The following ZNF439 variants were observed in gnomAD, a reference collection of about 807,000 sequenced individuals.
ZNF439 encodes the protein zinc finger protein 439.
ZNF439 carries 40 observed loss-of-function variants against 47.3 expected under a neutral mutation model. That is an observed-to-expected ratio of 0.85 (90% CI 0.66 to 1.10). The LOEUF (loss-of-function observed/expected upper bound fraction) is 1.10, where lower values mean the gene tolerates loss of function less well. Ranked by LOEUF, ZNF439 falls within the 50% of genes least tolerant of loss-of-function variation. ZNF439 has a pLI of 0.00. For synonymous variants in ZNF439, 171 were observed against 198.8 expected (o/e 0.86, Z 1.18); for missense variants, 556 against 601.1 (o/e 0.93, Z 0.78).
In ZNF439 at chr19:11,868,027, C is replaced by T. The variant is rs148914414; in HGVS notation, c.973C>T (p.His325Tyr). The T allele has an allele frequency of 1.4e-4, 218 of 1,613,996 alleles. No homozygotes were observed. Among genetic ancestry groups the T allele is most frequent in the Non-Finnish European group, 1.8e-4 (208 of 1,180,026 alleles). The change falls in exon 4 of 4, where the codon CAC (histidine) becomes TAC (tyrosine). Residue 325 changes from histidine to tyrosine, a missense_variant. Physicochemically the swap from His to Tyr is moderately conservative, Grantham distance 83. Coordinates refer to ENST00000682736, the MANE Select transcript of ZNF439 (RefSeq NM_001348719.2). ...PRYVRRHERT[H>Y]SRKKLYECKQ... Reference sequence around the variant, plus strand: ...TTATGTTCGTAGACATGAAAGGACCCACTCTAGGAAAAAACTTTATGAATG... The same window carrying T: ...TTATGTTCGTAGACATGAAAGGACCTACTCTAGGAAAAAACTTTATGAATG...
At chr19:11,862,017 T>C (rs1976553860) in intron 1 of ZNF439, among the ~76,000 whole-genome samples, 1 of 152,236 alleles carries the variant, frequency 6.6e-6, no homozygotes, top group East Asian at 1.9e-4. Flanking sequence ...TTCTTTCATG[T>C]AAAAATATGC....
Position 11,868,006 on chromosome 19 carries a change from GT to G in ZNF439, c.954del (p.Arg319ValfsTer32). ...AAAAGCATTCATGTGTCCCCGTTAT[GT>G]TCGTAGACATGAAAGGACCCACTCT... ...CGKAFMCPRY[V>X]RRHERTHSRK... On this transcript the variant is annotated frameshift_variant, in exon 4 of 4. Coordinates refer to ENST00000682736, the MANE Select transcript of ZNF439 (RefSeq NM_001348719.2). LOFTEE classifies it high-confidence loss of function. 6.2e-7 allele frequency: 1 copy of G among 1,614,092 alleles called. No individual in the cohort carries two copies. The highest frequency in any genetic ancestry group is 8.5e-7 in the Non-Finnish European group (1 of 1,179,990).
At position 11,848,785 on chromosome 19, in the gene ZNF439, G is replaced by A. The variant is rs1976143304; in HGVS notation, c.-83G>A. On this transcript the variant is annotated 5_prime_UTR_variant, in exon 1 of 4. Coordinates refer to ENST00000682736, the MANE Select transcript of ZNF439 (RefSeq NM_001348719.2). ...TGCCGTCACCTTTGTCGCTGCGAGG[G>A]CGGCGGTTGGGATCTGGCCTTTCCA... is the stretch of plus-strand genomic sequence containing the variant. 9 of 1,364,314 alleles carry A rather than the reference G, an allele frequency of 6.6e-6. No individual in the cohort carries two copies. In the South Asian group the frequency reaches 1.1e-4, roughly 17 times the overall value. The allele number at this position is 1,364,314 out of a possible 1,614,324, so 84.5% of individuals were successfully genotyped here.
rs368271214 is a variant in ZNF439, at chr19:11,852,756, C to T, written c.63+3826C>T. The stretch of plus-strand genomic sequence containing the variant: ...AACTCCTGTCCTCAAGTGGTCCACC[C>T]ACCTTGGCCTCCCAAAGTGGCGGGA... On this transcript the variant is annotated intron_variant, in intron 1 of 3. Transcript: ENST00000682736. Among the ~76,000 whole-genome samples the T allele has an allele frequency of 2.6e-3, 394 of 152,170 alleles. 4 individuals are homozygous for T. The highest frequency in any genetic ancestry group is 9.0e-3 in the African/African-American group (375 of 41,518).
At chr19:11,866,411 A>C (rs1452683146) in intron 2 of ZNF439, 80 bp downstream of exon 2, 1 of 1,606,852 alleles carries the variant, frequency 6.2e-7, no homozygotes, top group Non-Finnish European at 8.5e-7. Context: ...AGTGATTTGG[A>C]ACACAGACAG....
Position 11,863,152 on chromosome 19 carries a change from C to CTTTTTTT in ZNF439, c.64-3038_64-3032dup, listed in dbSNP as rs34655587. Among the ~76,000 whole-genome samples the CTTTTTTT allele has an allele frequency of 1.8e-4, 16 of 90,056 alleles. 1 individual carries two copies. Among genetic ancestry groups the CTTTTTTT allele is most frequent in the South Asian group, 3.5e-4 (1 of 2,824 alleles). The allele number at this position is 90,056 out of a possible 152,430, so 59.1% of individuals were successfully genotyped here. On this transcript the variant is annotated intron_variant, in intron 1 of 3. Coordinates refer to ENST00000682736, the MANE Select transcript of ZNF439 (RefSeq NM_001348719.2). ...GAGAGGTATGCTTGGAAAGATTTTG[C>CTTTTTTT]TTTTTTTTTTTTTTTTTTTTTGAGT...
chr19:11,858,812 AC>A (rs1976463643), intron 1 of ZNF439, among the ~76,000 whole-genome samples: 1 of 151,954 alleles, frequency 6.6e-6, no homozygotes, highest in African/African-American at 2.4e-5. Flanking sequence ...AGTATCAATG[AC>A]CCCCATCAGA....
chr19:11,855,564 G>A (rs1012035652), intron 1 of ZNF439, among the ~76,000 whole-genome samples: 5 of 152,140 alleles, frequency 3.3e-5, no homozygotes, highest in African/African-American at 1.2e-4. Context: ...TGTTCTAAGA[G>A]TCTAACTGTT....
chr19:11,867,614 G>T lies in ZNF439; in HGVS notation c.560G>T (p.Gly187Val), dbSNP rs764456528. The T allele has an allele frequency of 1.9e-6, 3 of 1,614,142 alleles. No individual in the cohort carries two copies. The South Asian group carries it at 3.3e-5, about 18-fold the overall frequency. ...SLRTQERDHT[G>V]KKPYACKECG... ...AGAACACAAGAAAGGGATCACACTGGAAAGAAACCCTATGCTTGTAAAGAA... is the reference window on the plus strand; with the variant it reads ...AGAACACAAGAAAGGGATCACACTGTAAAGAAACCCTATGCTTGTAAAGAA... The change falls in exon 4 of 4, where the codon GGA (glycine) becomes GTA (valine). Residue 187 changes from glycine (G) to valine (V), a missense_variant. Physicochemically the swap from Gly to Val is moderately radical, Grantham distance 109. Coordinates refer to ENST00000682736, the MANE Select transcript of ZNF439 (RefSeq NM_001348719.2).
rs139894949 is a variant in ZNF439 at position 11,861,101 on chromosome 19, G to T, written c.64-5104G>T. The stretch of plus-strand genomic sequence containing the variant: ...CCTGCATTCTCCAAATATACGGGAT[G>T]CAGGGCCTCAAATCCTCCACCCTCA... On this transcript the variant is annotated intron_variant, in intron 1 of 3. Transcript: ENST00000682736. 3.0e-3 allele frequency among the ~76,000 whole-genome samples: 464 copies of T among 152,272 alleles called. 4 individuals are homozygous for T. Among genetic ancestry groups the T allele is most frequent in the African/African-American group, 0.011 (456 of 41,558 alleles).
chr19:11,866,468 G>T, intron 2 of ZNF439, 69 bp from the exon 3 acceptor site: 1 of 1,603,280 alleles, frequency 6.2e-7, no homozygotes, highest in Non-Finnish European at 8.5e-7. Context: ...TAAATCATGG[G>T]CATAGGTCTA....
At chr19:11,861,197 G>A (rs1976530692) in intron 1 of ZNF439, among the ~76,000 whole-genome samples, 6 of 152,182 alleles carry the variant, frequency 3.9e-5, no homozygotes, top group Admixed American at 3.9e-4. Flanking sequence ...GAGGAAAGCA[G>A]AGAATAACCA....
At chr19:11,867,255 T>A (rs1407336067) in intron 3 of ZNF439, 51 bp from the exon 4 acceptor site, 1 of 1,571,506 alleles carries the variant, frequency 6.4e-7, no homozygotes, top group Non-Finnish European at 8.6e-7. Flanking sequence ...CTGATTAATA[T>A]AAAATTACTT....
At chr19:11,866,043 T>C in intron 1 of ZNF439, 162 bp from the exon 2 acceptor site, 1 of 1,472,594 alleles carries the variant, frequency 6.8e-7, no homozygotes, top group Admixed American at 2.5e-5. Context: ...AATTGCTTTA[T>C]GGAAGAAAGT....
Position 11,867,762 on chromosome 19 carries a change from C to T in ZNF439, c.708C>T (p.Ile236=). The T allele has an allele frequency of 6.2e-7, 1 of 1,614,018 alleles. No individual in the cohort carries two copies. The highest frequency in any genetic ancestry group is 8.5e-7 in the Non-Finnish European group (1 of 1,179,984). ...TCCATTGTCTCAGTTTATATCTTAT[C>T]CATGAAAGAACTCACACTGGAGAGA... ...KAFHCLSLYL[I]HERTHTGEKP... Residue 236 remains isoleucine (I), a synonymous_variant, in exon 4 of 4, where the codon ATC becomes ATT. Transcript: ENST00000682736.
intron 1 of ZNF439, chr19:11,849,816 C>T (rs1364884116): frequency 6.6e-6 from 1 of 152,122 alleles, no homozygotes. Context: ...GTAACTTTAC[C>T]TTTGCCTTGC....
chr19:11,868,173 A>G lies in ZNF439; in HGVS notation c.1119A>G (p.Ser373=), dbSNP rs765907899. 2 of 1,614,104 alleles carry G rather than the reference A, an allele frequency of 1.2e-6. No homozygotes were observed. Among genetic ancestry groups the G allele is most frequent in the South Asian group, 1.1e-5 (1 of 91,082 alleles). The change falls in exon 4 of 4, where the codon TCA becomes TCG. Residue 373 remains serine, a synonymous_variant. Coordinates refer to ENST00000682736, the MANE Select transcript of ZNF439 (RefSeq NM_001348719.2). ...GGAAAGGCTTTTATTCTGCCAAGTCATTTCAAAGACATGAAAAAACTCACA... is the reference window on the plus strand; with the variant it reads ...GGAAAGGCTTTTATTCTGCCAAGTCGTTTCAAAGACATGAAAAAACTCACA... ...TCGKGFYSAK[S]FQRHEKTHSG...
Position 11,868,043 on chromosome 19 carries a change from T to C in ZNF439, c.989T>C (p.Leu330Pro). ...GAAAGGACCCACTCTAGGAAAAAAC[T>C]TTATGAATGTAAGCAGTGTGGGAAA... ...RHERTHSRKK[L>P]YECKQCGKAL... The change falls in exon 4 of 4, where the codon CTT becomes CCT. Residue 330 changes from leucine (L) to proline (P), a missense_variant. Physicochemically the swap from Leu to Pro is moderately conservative, Grantham distance 98. Transcript: ENST00000682736. 1 of 1,614,066 alleles carries C rather than the reference T, an allele frequency of 6.2e-7. No individual in the cohort carries two copies. Among genetic ancestry groups the C allele is most frequent in the African/African-American group, 1.3e-5 (1 of 75,014 alleles).
At position 11,868,821 on chromosome 19, in the gene ZNF439, T is replaced by C. The variant is rs72994216; in HGVS notation, c.*252T>C. 129,062 of 555,272 alleles carry C rather than the reference T, an allele frequency of 0.23. 17,651 individuals carry two copies. The highest frequency in any genetic ancestry group is 0.29 in the Non-Finnish European group (88,099 of 301,978). 34.4% of individuals were successfully genotyped at this position (555,272 alleles called of 1,614,324 possible). A position where few individuals can be genotyped will look rare whatever the true frequency, so the allele number is the denominator to read the frequency against. The stretch of plus-strand genomic sequence containing the variant: ...ACACACTGGAGAGAAACCCTATGAA[T>C]GTAAGAAATGTGGAAAAGCGTTCCA... On this transcript the variant is annotated 3_prime_UTR_variant, in exon 4 of 4. Transcript: ENST00000682736.
Sources: gnomAD v4.1 joint callset for allele counts (sites outside exome capture counted in the v4.1 genomes callset) on GRCh38, gnomAD v4.1.1 for gene constraint, MANE v1.5 for transcripts, NCBI Gene and HGNC (gene_info 2026-07-23, HGNC 2026-07-21) for gene names.